Variants in MGAT4C observed in about 807,000 individuals in gnomAD.
MGAT4C encodes the protein alpha-1,3-mannosyl-glycoprotein 4-beta-N-acetylglucosaminyltransferase C.
MGAT4C carries 19 observed loss-of-function variants against 40.1 expected under a neutral mutation model. That is an observed-to-expected ratio of 0.47 (90% CI 0.33 to 0.70). The LOEUF (loss-of-function observed/expected upper bound fraction) is 0.70. Among genes scored for constraint, MGAT4C ranks in the 30% least tolerant of loss-of-function variants. The pLI is 0.02. For missense variants in MGAT4C, 491 were observed against 563.2 expected, an observed-to-expected ratio of 0.87 and a Z score of 1.30; for synonymous variants, 181 against 187.1, an observed-to-expected ratio of 0.97 and a Z score of 0.27.
chr12:86,158,773 C>T (rs183318418), intron 1 of MGAT4C, among the ~76,000 whole-genome samples: 13 of 152,196 alleles, frequency 8.5e-5, no homozygotes, highest in African/African-American at 2.6e-4. Flanking sequence ...AGCTATATTC[C>T]TAGATATCTG....
At chr12:86,381,877 T>C (rs1370021038) in intron 3 of MGAT4C, among the ~76,000 whole-genome samples, 1 of 152,132 alleles carries the variant, frequency 6.6e-6, no homozygotes, top group Non-Finnish European at 1.5e-5. Flanking sequence ...GGTTTAAAAA[T>C]GGGAGTCTCC....
chr12:86,408,479 C>CTCTCTCTATATATA (rs1267344319), intron 3 of MGAT4C, among the ~76,000 whole-genome samples: 19 of 63,342 alleles, frequency 3.0e-4, no homozygotes, highest in African/African-American at 1.0e-3. Context: ...CTCTCTCTCT[C>CTCTCTCTATATATA]TATATATATA....
chr12:86,327,081 T>C (rs1404401545), intron 4 of MGAT4C, among the ~76,000 whole-genome samples: 1 of 152,118 alleles, frequency 6.6e-6, no homozygotes, highest in East Asian at 1.9e-4. Flanking sequence ...ATAATAGACA[T>C]GTAAGGACTA....
rs1883027752 is a variant in MGAT4C at position 85,960,035 on chromosome 12, A to G, written c.*19254T>C. On this transcript the variant is annotated 3_prime_UTR_variant, in exon 5 of 5. Transcript: ENST00000611864. ...ATAGCTATATAAAATGCAATTCGGT[A>G]TTAAAGAAAATTGTTGCACGGACTA... is the stretch of plus-strand genomic sequence containing the variant. 6.6e-6 allele frequency: 1 copy of G among 151,976 alleles called. No individual in the cohort carries two copies. The highest frequency in any genetic ancestry group is 2.4e-5 in the African/African-American group (1 of 41,430). The allele number at this position is 151,976 out of a possible 1,614,324, so 9.4% of individuals were successfully genotyped here.
intron 3 of MGAT4C, among the ~76,000 whole-genome samples, chr12:86,354,378 T>C (rs980797589): frequency 3.9e-5 from 6 of 152,162 alleles, no homozygotes; most frequent in South Asian, 4.1e-4. Flanking sequence ...TAGGCATAGC[T>C]CAACTACTCT....
chr12:86,556,216 T>A (rs532996753), intron 2 of MGAT4C, among the ~76,000 whole-genome samples: 1 of 152,278 alleles, frequency 6.6e-6, no homozygotes, highest in South Asian at 2.1e-4. Flanking sequence ...AGATGAGGGG[T>A]AAATATAAGT....
At chr12:86,136,076 A>G (rs839137) in intron 1 of MGAT4C, among the ~76,000 whole-genome samples, 96,940 of 151,998 alleles carry the variant, frequency 0.64, 31,227 homozygotes, top group South Asian at 0.73. Flanking sequence ...ATAGATTAGT[A>G]ATACATAAAG....
chr12:86,107,691 TTC>T (rs1381444678), intron 1 of MGAT4C, among the ~76,000 whole-genome samples: 1 of 152,164 alleles, frequency 6.6e-6, no homozygotes, highest in African/African-American at 2.4e-5. Context: ...TGTAAAATTG[TTC>T]TTAGTAAATG....
chr12:86,138,578 C>A (rs551429730), intron 1 of MGAT4C, among the ~76,000 whole-genome samples: 98 of 140,970 alleles, frequency 7.0e-4, no homozygotes, highest in Middle Eastern at 7.6e-3. Flanking sequence ...ATAGATATAT[C>A]ATATATATAT....
intron 2 of MGAT4C, among the ~76,000 whole-genome samples, chr12:86,440,031 A>G (rs1957200568): frequency 6.6e-6 from 1 of 152,108 alleles, no homozygotes; most frequent in South Asian, 2.1e-4. Context: ...TTCACAGCCA[A>G]TTTCCACCAA....
intron 2 of MGAT4C, among the ~76,000 whole-genome samples, chr12:86,674,553 C>T (rs1159392522): frequency 6.6e-6 from 1 of 151,786 alleles, no homozygotes; most frequent in Non-Finnish European, 1.5e-5. Flanking sequence ...AGAAACTATC[C>T]AAGTATGGTG....
At chr12:86,096,674 T>C (rs1256089031) in intron 1 of MGAT4C, among the ~76,000 whole-genome samples, 7 of 151,664 alleles carry the variant, frequency 4.6e-5, no homozygotes, top group African/African-American at 1.7e-4. Flanking sequence ...TATCACTTTT[T>C]ACATTTAGTT....
chr12:86,262,536 T>G (rs1952681071), intron 4 of MGAT4C, among the ~76,000 whole-genome samples: 1 of 152,102 alleles, frequency 6.6e-6, no homozygotes, highest in Non-Finnish European at 1.5e-5. Flanking sequence ...CATTTATCAT[T>G]GCAATAGATT....
At chr12:86,641,643 C>T (rs1348757390) in intron 2 of MGAT4C, among the ~76,000 whole-genome samples, 1 of 151,788 alleles carries the variant, frequency 6.6e-6, no homozygotes, top group Non-Finnish European at 1.5e-5. Flanking sequence ...CTCCAGCTTA[C>T]TGAACAAACA....
intron 2 of MGAT4C, among the ~76,000 whole-genome samples, chr12:85,990,454 A>C (rs1885768479): frequency 6.6e-6 from 1 of 152,152 alleles, no homozygotes; most frequent in Non-Finnish European, 1.5e-5. Flanking sequence ...AGAGTTGTGT[A>C]ATGGATCTCC....
chr12:86,787,895 G>A (rs966433033), intron 1 of MGAT4C, among the ~76,000 whole-genome samples: 3 of 152,006 alleles, frequency 2.0e-5, no homozygotes, highest in Non-Finnish European at 4.4e-5. Context: ...AAAGAGAGAG[G>A]AATACCTTTG....
chr12:86,474,690 T>A (rs1957806787), intron 2 of MGAT4C, among the ~76,000 whole-genome samples: 2 of 152,240 alleles, frequency 1.3e-5, no homozygotes, highest in African/African-American at 4.8e-5. Context: ...TTTCTTTTTT[T>A]TTTATAAGAA....
intron 3 of MGAT4C, among the ~76,000 whole-genome samples, chr12:86,387,713 T>C (rs1956080622): frequency 6.6e-6 from 1 of 152,110 alleles, no homozygotes; most frequent in Non-Finnish European, 1.5e-5. Flanking sequence ...ACTGAAGCTG[T>C]AGTATGACTT....
intron 1 of MGAT4C, among the ~76,000 whole-genome samples, chr12:86,227,272 C>T (rs1300760822): frequency 6.6e-6 from 1 of 151,792 alleles, no homozygotes; most frequent in Non-Finnish European, 1.5e-5. Flanking sequence ...AATGCAGTGG[C>T]CCAGCATCGA....
Sources: allele counts gnomAD v4.1 joint callset (sites outside exome capture counted in the v4.1 genomes callset), GRCh38; gene constraint gnomAD v4.1.1; transcripts MANE v1.5; gene names NCBI Gene and HGNC (gene_info 2026-07-23, HGNC 2026-07-21).